Variants in ERBB4 observed in about 807,000 individuals in gnomAD.
The protein encoded by ERBB4 is receptor tyrosine-protein kinase erbB-4.
In ERBB4, 42 loss-of-function variants were observed where a neutral mutation model predicts 158.0. That is an observed-to-expected ratio of 0.27 (90% confidence interval 0.21 to 0.34). The LOEUF (loss-of-function observed/expected upper bound fraction) is 0.34, where lower values mean the gene tolerates loss of function less well. Among genes scored for constraint, ERBB4 ranks in the 10% least tolerant of loss-of-function variants. The pLI, the probability that ERBB4 is intolerant of heterozygous loss-of-function variation, is 1.00. For synonymous variants in ERBB4, 583 were observed against 558.7 expected, an observed-to-expected ratio of 1.04 and a Z score of -0.61; for missense variants, 1,333 against 1,624.1, an observed-to-expected ratio of 0.82 and a Z score of 3.08.
At chr2:212,045,729 G>A (rs2077245455) in intron 2 of ERBB4, among the ~76,000 whole-genome samples, 1 of 152,184 alleles carries the variant, frequency 6.6e-6, no homozygotes, top group African/African-American at 2.4e-5. Flanking sequence ...TGTCCTTACA[G>A]ATGAACAAAC....
intron 1 of ERBB4, among the ~76,000 whole-genome samples, chr2:212,491,197 G>A (rs561989159): frequency 9.2e-5 from 14 of 151,648 alleles, no homozygotes; most frequent in South Asian, 6.2e-4. Context: ...TGTGAGGTTC[G>A]CAAATCAGTT....
Position 212,008,935 on chromosome 2 carries a change from C to T in ERBB4, c.235-61319G>A, listed in dbSNP as rs539027278. ...TGCTTTACATGACATTTATCTTAGC[C>T]CCTGTGGACAGAGTTCACATGAGTA... On this transcript the variant is annotated intron_variant, in intron 2 of 27. Transcript: ENST00000342788. 3.3e-5 allele frequency among the ~76,000 whole-genome samples: 5 copies of T among 152,134 alleles called. No individual in the cohort carries two copies. In the East Asian group the frequency reaches 7.7e-4, roughly 24 times the overall value.
At chr2:212,166,057 A>ATT (rs61415649) in intron 1 of ERBB4, among the ~76,000 whole-genome samples, 34 of 150,742 alleles carry the variant, frequency 2.3e-4, no homozygotes, top group South Asian at 8.4e-4. Flanking sequence ...CATCACAATC[A>ATT]TTTTTTTTTC....
intron 3 of ERBB4, among the ~76,000 whole-genome samples, chr2:211,889,622 C>A (rs1024337550): frequency 9.4e-5 from 14 of 148,274 alleles, no homozygotes; most frequent in African/African-American, 3.6e-4. Context: ...TACGGGAGGA[C>A]ATTCAAACCA....
In ERBB4 at chr2:212,374,898, G is replaced by C. The variant is rs536266980; in HGVS notation, c.82+163551C>G. 2.3e-5 allele frequency among the ~76,000 whole-genome samples: 3 copies of C among 130,920 alleles called. No homozygotes were observed. In the South Asian group the frequency reaches 7.6e-4, roughly 33 times the overall value. The allele number at this position is 130,920 out of a possible 152,430, so 85.9% of individuals were successfully genotyped here. A position where few individuals can be genotyped will look rare whatever the true frequency, so the allele number is the denominator to read the frequency against. ...CTGTTAATTTTTATATTACTGAGAA[G>C]ATTTTTAGAAATAAATATGGGGAAA... On this transcript the variant is annotated intron_variant, in intron 1 of 27. Transcript: ENST00000342788.
At chr2:212,367,037 C>G (rs1490386508) in intron 1 of ERBB4, among the ~76,000 whole-genome samples, 1 of 151,804 alleles carries the variant, frequency 6.6e-6, no homozygotes, top group Non-Finnish European at 1.5e-5. Context: ...AGGCCTTAAT[C>G]TGATAGGACT....
At chr2:211,975,811 A>C (rs2081590435) in intron 2 of ERBB4, among the ~76,000 whole-genome samples, 1 of 152,150 alleles carries the variant, frequency 6.6e-6, no homozygotes. Flanking sequence ...TACACATGCC[A>C]ATCTCCAAAA....
chr2:212,396,534 T>C (rs2106450615), intron 1 of ERBB4, among the ~76,000 whole-genome samples: 1 of 152,200 alleles, frequency 6.6e-6, no homozygotes, highest in Admixed American at 6.6e-5. Context: ...TAATATAAAG[T>C]TCTTAGAATT....
At chr2:212,267,363 C>T (rs1050232056) in intron 1 of ERBB4, among the ~76,000 whole-genome samples, 8 of 151,594 alleles carry the variant, frequency 5.3e-5, no homozygotes, top group Middle Eastern at 3.2e-3. Flanking sequence ...ATTGGAGGCT[C>T]ATAGATAAAA....
intron 20 of ERBB4, among the ~76,000 whole-genome samples, chr2:211,463,878 T>A (rs186777166): frequency 1.6e-3 from 237 of 152,140 alleles, no homozygotes; most frequent in African/African-American, 5.4e-3. Flanking sequence ...CTCATCTCCC[T>A]CCCCATCACT....
At chr2:211,461,889 A>T (rs945568191) in intron 20 of ERBB4, among the ~76,000 whole-genome samples, 4 of 144,498 alleles carry the variant, frequency 2.8e-5, no homozygotes, top group East Asian at 2.0e-4. Flanking sequence ...ACTGCTATTT[A>T]AAAAAAAAAA....
intron 1 of ERBB4, among the ~76,000 whole-genome samples, chr2:212,389,315 CCATATACACATA>C (rs2090779183): frequency 6.6e-6 from 1 of 151,928 alleles, no homozygotes; most frequent in Admixed American, 6.6e-5. Flanking sequence ...CAAGTATAGA[CCATATACACATA>C]TAGGCATGTT....
chr2:212,399,101 C>T (rs1388744541), intron 1 of ERBB4, among the ~76,000 whole-genome samples: 3 of 151,796 alleles, frequency 2.0e-5, no homozygotes, highest in Admixed American at 1.3e-4. Flanking sequence ...CACCACCACG[C>T]CTGACTAATT....
chr2:212,395,045 T>C (rs916131001), intron 1 of ERBB4, among the ~76,000 whole-genome samples: 2 of 152,098 alleles, frequency 1.3e-5, no homozygotes, highest in Admixed American at 1.3e-4. Flanking sequence ...CTGCCAAATT[T>C]TAAACAATAT....
chr2:212,039,292 T>G (rs1404582159), intron 2 of ERBB4, among the ~76,000 whole-genome samples: 1 of 152,186 alleles, frequency 6.6e-6, no homozygotes, highest in Non-Finnish European at 1.5e-5. Flanking sequence ...TTCTGCTCAC[T>G]GCCTTTGAAT....
At chr2:211,700,971 A>G (rs1399411586) in intron 12 of ERBB4, among the ~76,000 whole-genome samples, 1 of 152,212 alleles carries the variant, frequency 6.6e-6, no homozygotes, top group African/African-American at 2.4e-5. Flanking sequence ...CATAGGATGT[A>G]GGAAAGAGTA....
Position 212,362,051 on chromosome 2 carries a change from A to G in ERBB4, c.82+176398T>C, listed in dbSNP as rs530684592. On this transcript the variant is annotated intron_variant, in intron 1 of 27. Transcript: ENST00000342788. ...AAGTTTTTTTTACTGAGGTTAGGTTATAAAAATGAGACAAATTGTATAATT... is the reference window on the plus strand; with the variant it reads ...AAGTTTTTTTTACTGAGGTTAGGTTGTAAAAATGAGACAAATTGTATAATT... 7.9e-5 allele frequency among the ~76,000 whole-genome samples: 12 copies of G among 151,804 alleles called. No individual in the cohort carries two copies. The East Asian group carries it at 2.1e-3, about 27-fold the overall frequency.
intron 4 of ERBB4, among the ~76,000 whole-genome samples, chr2:211,758,567 A>G (rs73085065): frequency 0.066 from 10,023 of 152,258 alleles, 902 homozygotes; most frequent in African/African-American, 0.2. Flanking sequence ...AATCAATGTC[A>G]AATGTATTTC....
intron 3 of ERBB4, among the ~76,000 whole-genome samples, chr2:211,917,517 T>A (rs766345214): frequency 6.6e-6 from 1 of 152,182 alleles, no homozygotes. Context: ...GTTTGTTCAA[T>A]GCCCAACAGT....
Sources: gnomAD v4.1 joint callset for allele counts (sites outside exome capture counted in the v4.1 genomes callset) on GRCh38, gnomAD v4.1.1 for gene constraint, MANE v1.5 for transcripts, NCBI Gene and HGNC (gene_info 2026-07-23, HGNC 2026-07-21) for gene names.